RAD54L2: variants seen among roughly 807,000 people sequenced by gnomAD.
The protein encoded by RAD54L2 is RAD54 like 2.
In RAD54L2, 27 loss-of-function variants were observed where a neutral mutation model predicts 138.4. That is an observed-to-expected ratio of 0.20 (90% CI 0.14 to 0.27). The LOEUF is 0.27. Among genes scored for constraint, RAD54L2 ranks in the 10% least tolerant of loss-of-function variants. The pLI, the probability that RAD54L2 is intolerant of heterozygous loss-of-function variation, is 1.00. For missense variants in RAD54L2, 1,396 were observed against 1,890.2 expected (o/e 0.74, Z 4.85); for synonymous variants, 644 against 723.2 (o/e 0.89, Z 1.76).
At chr3:51,654,457 G>A (rs991359606) in intron 19 of RAD54L2, among the ~76,000 whole-genome samples, 2 of 152,202 alleles carry the variant, frequency 1.3e-5, no homozygotes, top group Admixed American at 6.5e-5. Flanking sequence ...GGAGGCTGAG[G>A]TGGGAGAATC....
Position 51,648,091 on chromosome 3 carries a change from C to T in RAD54L2, c.3026+1610C>T, listed in dbSNP as rs186946642. 4.2e-3 allele frequency among the ~76,000 whole-genome samples: 636 copies of T among 152,284 alleles called. 12 individuals are homozygous for T. The highest frequency in any genetic ancestry group is 3.4e-3 in the Non-Finnish European group (228 of 68,022). The stretch of plus-strand genomic sequence containing the variant: ...ACCTGGAAAATCGGGACACTGCCAC[C>T]CAAATACTGCGCTTTTCCAACGGTC... On this transcript the variant is annotated intron_variant, in intron 19 of 22. Coordinates refer to ENST00000684192, the MANE Select transcript of RAD54L2 (RefSeq NM_015106.4).
chr3:51,662,850 A>C lies in RAD54L2; in HGVS notation c.3834A>C (p.Pro1278=), dbSNP rs1400013315. Reference sequence around the variant, plus strand: ...GGCGGTCCAGGAAGGGTCATCTGCCAGCCCCCGTGCAGCCGTATGAACACG... The same window carrying C: ...GGCGGTCCAGGAAGGGTCATCTGCCCGCCCCCGTGCAGCCGTATGAACACG... ...SRRRSRKGHL[P]APVQPYEHGY... The change falls in exon 23 of 23, where the codon CCA becomes CCC. Residue 1278 remains proline (P), a synonymous_variant. Transcript: ENST00000684192. The surrounding 1 kb of genome is among the most constrained non-coding windows in gnomAD (Gnocchi z 4.6). 7 of 1,613,336 alleles carry C rather than the reference A, an allele frequency of 4.3e-6. No individual in the cohort carries two copies. The highest frequency in any genetic ancestry group is 2.2e-5 in the South Asian group (2 of 90,970).
chr3:51,576,156 A>G (rs1281589972), intron 2 of RAD54L2, among the ~76,000 whole-genome samples: 5 of 152,080 alleles, frequency 3.3e-5, no homozygotes, highest in Non-Finnish European at 5.9e-5. Context: ...ACATTTATTG[A>G]TTTGTGTATG....
Position 51,662,475 on chromosome 3 carries a change from C to A in RAD54L2, c.3459C>A (p.Ala1153=). ...CCACAAGCAACGGCAGACACAGTGC[C>A]TCATCACCCAAAGCCCCCGACCCTG... ...CESTSNGRHS[A]SSPKAPDPEG... The change falls in exon 23 of 23, where the codon GCC becomes GCA. Residue 1153 remains alanine (A), a synonymous_variant. Coordinates refer to ENST00000684192, the MANE Select transcript of RAD54L2 (RefSeq NM_015106.4). The surrounding 1 kb of genome is among the most constrained non-coding windows in gnomAD (Gnocchi z 4.6). The A allele has an allele frequency of 1.9e-6, 3 of 1,583,772 alleles. No individual in the cohort carries two copies. The highest frequency in any genetic ancestry group is 2.6e-6 in the Non-Finnish European group (3 of 1,166,450).
At position 51,637,225 on chromosome 3, in the gene RAD54L2, CA is replaced by C; in HGVS notation, c.1409del (p.Asn470ThrfsTer10). The C allele has an allele frequency of 6.3e-7, 1 of 1,595,792 alleles. No homozygotes were observed. Among genetic ancestry groups the C allele is most frequent in the Non-Finnish European group, 8.5e-7 (1 of 1,171,132 alleles). On this transcript the variant is annotated frameshift_variant, in exon 11 of 23. Transcript: ENST00000684192. LOFTEE classifies it high-confidence loss of function. The surrounding 1 kb of genome is among the most constrained non-coding windows in gnomAD (Gnocchi z 5.9). ...VVICDEGHRI[K>X]NCQASTSQAL... ...TAATCTGTGATGAGGGACACCGCAT[CA>C]AAAACTGCCAGGCCAGCACCTCACA...
At chr3:51,575,060 C>A (rs1699435403) in intron 2 of RAD54L2, among the ~76,000 whole-genome samples, 4 of 152,166 alleles carry the variant, frequency 2.6e-5, no homozygotes, top group African/African-American at 9.7e-5. Context: ...TAGCTTTCTA[C>A]ATATGGCTAG....
chr3:51,593,396 G>C (rs998249207), intron 3 of RAD54L2, among the ~76,000 whole-genome samples: 1 of 150,796 alleles, frequency 6.6e-6, no homozygotes, highest in African/African-American at 2.4e-5. Context: ...GCAGTGGCGC[G>C]ATCTCGGCTC....
chr3:51,646,224 G>A, intron 18 of RAD54L2, 61 bp from the exon 19 acceptor site: 2 of 1,458,930 alleles, frequency 1.4e-6, no homozygotes, highest in Non-Finnish European at 1.9e-6. Context: ...TGGTCCTAAA[G>A]TAAGGCTCAT....
intron 3 of RAD54L2, among the ~76,000 whole-genome samples, chr3:51,611,076 G>T (rs889340904): frequency 1.3e-5 from 2 of 151,948 alleles, no homozygotes; most frequent in Non-Finnish European, 2.9e-5. Flanking sequence ...CTCCTATTCA[G>T]ATACCTAGCC....
intron 3 of RAD54L2, among the ~76,000 whole-genome samples, chr3:51,603,732 C>A (rs1345324072): frequency 6.6e-6 from 1 of 151,932 alleles, no homozygotes; most frequent in Non-Finnish European, 1.5e-5. Context: ...GCTCTGTTGC[C>A]CAGGCTAGTC....
chr3:51,612,184 G>A (rs1191077838), intron 3 of RAD54L2, among the ~76,000 whole-genome samples: 2 of 152,222 alleles, frequency 1.3e-5, no homozygotes, highest in Non-Finnish European at 2.9e-5. Flanking sequence ...TCAGCTCAAG[G>A]CCGGGTACAG....
chr3:51,582,764 G>GTTTTTTTTTTTTTTTTTTT (rs1577402597), intron 2 of RAD54L2, among the ~76,000 whole-genome samples: 1 of 142,192 alleles, frequency 7.0e-6, no homozygotes, highest in African/African-American at 2.7e-5. Context: ...AGCCAGGGAA[G>GTTTTTTTTTTTTTTTTTTT]TCTTTTTTTT....
At chr3:51,610,657 A>AAAAAAAAAAAAAC (rs1180965179) in intron 3 of RAD54L2, among the ~76,000 whole-genome samples, 40 of 151,258 alleles carry the variant, frequency 2.6e-4, no homozygotes, top group African/African-American at 7.6e-4. Flanking sequence ...AAAAAAAAAA[A>AAAAAAAAAAAAAC]CAGAAAGAAT....
intron 3 of RAD54L2, among the ~76,000 whole-genome samples, chr3:51,607,194 G>A (rs1297143265): frequency 6.6e-6 from 1 of 151,030 alleles, no homozygotes; most frequent in Admixed American, 6.6e-5. Context: ...AGTGGAGGGA[G>A]GGTCAGCAGA....
intron 19 of RAD54L2, among the ~76,000 whole-genome samples, chr3:51,652,327 G>A (rs1260864371): frequency 6.6e-6 from 1 of 152,172 alleles, no homozygotes; most frequent in African/African-American, 2.4e-5. Context: ...GAGATAGGAA[G>A]AATCAACATC....
chr3:51,641,813 C>A lies in RAD54L2; in HGVS notation c.2296C>A (p.Pro766Thr). ...TGGAAAACGAGAAGTACCCTGTCCACCTGGTACCGAGGGGCAAGGAGCACA... is the reference window on the plus strand; with the variant it reads ...TGGAAAACGAGAAGTACCCTGTCCAACTGGTACCGAGGGGCAAGGAGCACA... ...FLGKREVPCPPGTEGQGAQKW... is the reference protein window; with the variant it reads ...FLGKREVPCPTGTEGQGAQKW... Residue 766 changes from proline (P) to threonine (T), a missense_variant, in exon 15 of 23, where the codon CCT (proline) becomes ACT (threonine). This residue lies in a region of RAD54L2 where 211 missense variants were observed against 273.8 expected (regional missense o/e 0.77). Coordinates refer to ENST00000684192, the MANE Select transcript of RAD54L2 (RefSeq NM_015106.4). 6.2e-7 allele frequency: 1 copy of A among 1,600,414 alleles called. No individual in the cohort carries two copies. Among genetic ancestry groups the A allele is most frequent in the Non-Finnish European group, 8.5e-7 (1 of 1,173,236 alleles).
intron 2 of RAD54L2, among the ~76,000 whole-genome samples, chr3:51,565,734 A>C (rs931002669): frequency 1.3e-5 from 2 of 151,972 alleles, no homozygotes; most frequent in African/African-American, 4.8e-5. Context: ...CGGCCTGCCA[A>C]AGTGCTGGGA....
At chr3:51,599,719 AC>A (rs1401361332) in intron 3 of RAD54L2, among the ~76,000 whole-genome samples, 1 of 137,968 alleles carries the variant, frequency 7.2e-6, no homozygotes. Flanking sequence ...ACCCCACCAC[AC>A]CCAGCTAATT....
chr3:51,647,982 C>T (rs1040407778), intron 19 of RAD54L2, among the ~76,000 whole-genome samples: 4 of 152,192 alleles, frequency 2.6e-5, no homozygotes, highest in African/African-American at 9.6e-5. Flanking sequence ...CGAGCCGAAG[C>T]AGGGTGGGGC....
Sources: gnomAD v4.1 joint callset for allele counts (sites outside exome capture counted in the v4.1 genomes callset) on GRCh38, gnomAD v4.1.1 for gene constraint, gnomAD v4.1.1 regional missense constraint, Gnocchi (gnomAD v3.1) non-coding constraint, MANE v1.5 for transcripts, NCBI Gene and HGNC (gene_info 2026-07-23, HGNC 2026-07-21) for gene names.